Variants in RRAS2 observed in about 807,000 individuals in gnomAD.
RRAS2 encodes RAS related 2.
In RRAS2, 7 loss-of-function variants were observed where a neutral mutation model predicts 27.6. The ratio of observed to expected loss-of-function variants is 0.25; its 90% CI spans 0.14 to 0.48. The LOEUF is 0.48. RRAS2 is among the 20% of genes least tolerant of loss of function. The pLI, the probability that RRAS2 is intolerant of heterozygous loss-of-function variation, is 0.99. For missense variants in RRAS2, 178 were observed against 256.2 expected (o/e 0.69, Z 2.08); for synonymous variants, 86 against 90.9 (o/e 0.95, Z 0.31).
At chr11:14,304,576 C>G (rs1470500905) in intron 1 of RRAS2, among the ~76,000 whole-genome samples, 1 of 152,168 alleles carries the variant, frequency 6.6e-6, no homozygotes, top group African/African-American at 2.4e-5. Flanking sequence ...ATATAAAACT[C>G]GATTTACATG....
intron 1 of RRAS2, among the ~76,000 whole-genome samples, chr11:14,318,594 C>A (rs912992962): frequency 1.3e-5 from 2 of 152,022 alleles, no homozygotes; most frequent in African/African-American, 2.4e-5. Flanking sequence ...AAAAGCAAAA[C>A]CCTTCTCTCA....
chr11:14,326,590 A>G (rs747840259), intron 1 of RRAS2, among the ~76,000 whole-genome samples: 35 of 152,222 alleles, frequency 2.3e-4, no homozygotes, highest in Non-Finnish European at 4.4e-4. Context: ...TAAAAGTTCT[A>G]TATCTTTATA....
At chr11:14,282,820 G>A (rs1481457397) in intron 4 of RRAS2, among the ~76,000 whole-genome samples, 1 of 152,070 alleles carries the variant, frequency 6.6e-6, no homozygotes, top group Non-Finnish European at 1.5e-5. Flanking sequence ...TTATCTAGGA[G>A]TTCTTTTGTA....
chr11:14,279,859 G>A (rs950523195), intron 5 of RRAS2, among the ~76,000 whole-genome samples: 2 of 152,118 alleles, frequency 1.3e-5, no homozygotes, highest in African/African-American at 2.4e-5. Flanking sequence ...AGTTTTTTTA[G>A]AGGGGAATAA....
chr11:14,282,529 A>G (rs574620624), intron 4 of RRAS2, among the ~76,000 whole-genome samples: 1 of 152,356 alleles, frequency 6.6e-6, no homozygotes, highest in African/African-American at 2.4e-5. Flanking sequence ...TTTACTAAAA[A>G]TTATTAAACT....
chr11:14,281,540 C>G (rs1380227346), intron 5 of RRAS2, 62 bp downstream of exon 5: 10 of 1,313,100 alleles, frequency 7.6e-6, no homozygotes, highest in Non-Finnish European at 7.3e-6. Context: ...TATAAAATAT[C>G]CTTACTAAAA....
At chr11:14,344,218 T>C (rs564245211) in intron 1 of RRAS2, among the ~76,000 whole-genome samples, 43 of 152,290 alleles carry the variant, frequency 2.8e-4, no homozygotes, top group African/African-American at 9.9e-4. Flanking sequence ...TATCTGAAAA[T>C]AATAATTCAT....
chr11:14,344,984 TTTA>T (rs1467161426), intron 1 of RRAS2, among the ~76,000 whole-genome samples: 4 of 69,122 alleles, frequency 5.8e-5, no homozygotes, highest in Admixed American at 1.4e-4. Flanking sequence ...TACTCAAGAC[TTTA>T]TTTTTTTTTT....
At chr11:14,309,207 T>C (rs1296519682) in intron 1 of RRAS2, among the ~76,000 whole-genome samples, 1 of 152,158 alleles carries the variant, frequency 6.6e-6, no homozygotes, top group Non-Finnish European at 1.5e-5. Context: ...CAATTTCATT[T>C]CTCACCTCTT....
At chr11:14,301,296 A>G (rs1191667229) in intron 1 of RRAS2, among the ~76,000 whole-genome samples, 1 of 152,190 alleles carries the variant, frequency 6.6e-6, no homozygotes, top group Non-Finnish European at 1.5e-5. Context: ...GGTAGCACAT[A>G]AGGAAAGAGA....
chr11:14,358,928 G>C lies in RRAS2; in HGVS notation c.-58C>G. The C allele has an allele frequency of 2.5e-6, 3 of 1,220,644 alleles. No individual in the cohort carries two copies. The highest frequency in any genetic ancestry group is 3.1e-6 in the Non-Finnish European group (3 of 976,062). 75.6% of individuals were successfully genotyped at this position (1,220,644 alleles called of 1,614,324 possible). A position where few individuals can be genotyped will look rare whatever the true frequency, so the allele number is the denominator to read the frequency against. ...GAGCCGCCGCTGCCGCCCGCCCTAGGCCCGGCTCCGGGGACGTGTGCGGCC... is the reference window on the plus strand; with the variant it reads ...GAGCCGCCGCTGCCGCCCGCCCTAGCCCCGGCTCCGGGGACGTGTGCGGCC... On this transcript the variant is annotated 5_prime_UTR_variant, in exon 1 of 6. Coordinates refer to ENST00000256196, the MANE Select transcript of RRAS2 (RefSeq NM_012250.6). The surrounding 1 kb of genome is among the most constrained non-coding windows in gnomAD (Gnocchi z 5.1).
At chr11:14,330,554 A>T (rs1848463192) in intron 1 of RRAS2, among the ~76,000 whole-genome samples, 1 of 152,154 alleles carries the variant, frequency 6.6e-6, no homozygotes, top group Non-Finnish European at 1.5e-5. Flanking sequence ...GGAACACCAT[A>T]CTCAGAAACT....
intron 1 of RRAS2, among the ~76,000 whole-genome samples, chr11:14,312,609 T>C (rs1451740356): frequency 1.3e-5 from 2 of 152,052 alleles, no homozygotes; most frequent in Non-Finnish European, 2.9e-5. Context: ...TTTGTAGATA[T>C]GAGGTCTCAC....
chr11:14,295,389 CTG>C (rs1270068392), intron 2 of RRAS2, among the ~76,000 whole-genome samples: 1 of 152,178 alleles, frequency 6.6e-6, no homozygotes, highest in African/African-American at 2.4e-5. Flanking sequence ...GCTAAAGTCT[CTG>C]TGCTATAAAT....
At chr11:14,306,744 C>A (rs1554948125) in intron 1 of RRAS2, among the ~76,000 whole-genome samples, 1 of 152,114 alleles carries the variant, frequency 6.6e-6, no homozygotes, top group East Asian at 1.9e-4. Context: ...CACCCCATTC[C>A]CTACCCTGAG....
In RRAS2 at chr11:14,359,099, G is replaced by T. The variant is rs1197764868; in HGVS notation, c.-229C>A. Reference sequence around the variant, plus strand: ...CGGGGTGACGGCACGGGCCAGGGGCGGCAGCGGCCGGGGGGCGCGCTCCTC... The same window carrying T: ...CGGGGTGACGGCACGGGCCAGGGGCTGCAGCGGCCGGGGGGCGCGCTCCTC... On this transcript the variant is annotated 5_prime_UTR_variant, in exon 1 of 6. Transcript: ENST00000256196. 4 of 1,068,026 alleles carry T rather than the reference G, an allele frequency of 3.7e-6. No homozygotes were observed. The highest frequency in any genetic ancestry group is 4.5e-6 in the Non-Finnish European group (4 of 884,288). The allele number at this position is 1,068,026 out of a possible 1,614,324, so 66.2% of individuals were successfully genotyped here. A position where few individuals can be genotyped will look rare whatever the true frequency, so the allele number is the denominator to read the frequency against.
chr11:14,293,425 T>C lies in RRAS2; in HGVS notation c.408+1046A>G, dbSNP rs931662494. Among the ~76,000 whole-genome samples the C allele has an allele frequency of 2.0e-5, 3 of 151,926 alleles. No homozygotes were observed. In the South Asian group the frequency reaches 6.2e-4, roughly 32 times the overall value. On this transcript the variant is annotated intron_variant, in intron 4 of 5. Transcript: ENST00000256196. Reference sequence around the variant, plus strand: ...GATGTGGGGTAGAGACAAAAGACCTTTAAAAAAAGCCATATAACATTGATA... The same window carrying C: ...GATGTGGGGTAGAGACAAAAGACCTCTAAAAAAAGCCATATAACATTGATA...
intron 5 of RRAS2, among the ~76,000 whole-genome samples, chr11:14,280,888 T>C (rs1183033898): frequency 6.6e-6 from 1 of 152,094 alleles, no homozygotes; most frequent in East Asian, 1.9e-4. Flanking sequence ...CTAAAGCAAC[T>C]TCATCTTTCT....
At chr11:14,311,435 C>T (rs1387170165) in intron 1 of RRAS2, among the ~76,000 whole-genome samples, 1 of 152,234 alleles carries the variant, frequency 6.6e-6, no homozygotes, top group Non-Finnish European at 1.5e-5. Flanking sequence ...GGCACAATCT[C>T]GGCTCACTGC....
Sources: gnomAD v4.1 joint callset for allele counts (sites outside exome capture counted in the v4.1 genomes callset) on GRCh38, gnomAD v4.1.1 for gene constraint, Gnocchi (gnomAD v3.1) non-coding constraint, MANE v1.5 for transcripts, NCBI Gene and HGNC (gene_info 2026-07-23, HGNC 2026-07-21) for gene names.